ELL: variants seen among roughly 807,000 people sequenced by gnomAD.
ELL encodes elongation factor for RNA polymerase II.
ELL carries 18 observed loss-of-function variants against 64.0 expected under a neutral mutation model. That is an observed-to-expected ratio of 0.28 (90% confidence interval 0.19 to 0.42). The LOEUF is 0.42. Ranked by LOEUF, ELL falls within the 10% of genes least tolerant of loss-of-function variation. ELL has a pLI of 1.00. For missense variants in ELL, 797 were observed against 870.4 expected, an observed-to-expected ratio of 0.92 and a Z score of 1.06; for synonymous variants, 399 against 376.2, an observed-to-expected ratio of 1.06 and a Z score of -0.70.
At chr19:18,468,321 C>T (rs1600455194) in intron 2 of ELL, among the ~76,000 whole-genome samples, 1 of 152,352 alleles carries the variant, frequency 6.6e-6, no homozygotes, top group East Asian at 1.9e-4. Context: ...CAGCCAGAGC[C>T]ATGTGGGTGA....
At chr19:18,497,718 G>A (rs1975688178) in intron 1 of ELL, among the ~76,000 whole-genome samples, 1 of 151,458 alleles carries the variant, frequency 6.6e-6, no homozygotes, top group African/African-American at 2.4e-5. Context: ...CCGGGAGGCT[G>A]GGGTGGGAGG....
chr19:18,480,019 T>C (rs145869365), intron 1 of ELL, among the ~76,000 whole-genome samples: 316 of 152,298 alleles, frequency 2.1e-3, no homozygotes, highest in African/African-American at 6.9e-3. Flanking sequence ...ACCCCACCCC[T>C]GATGCAGGAA....
chr19:18,442,961 G>GCTTCAT lies in ELL; in HGVS notation c.*1785_*1790dup. 1 of 231,754 alleles carries GCTTCAT rather than the reference G, an allele frequency of 4.3e-6. No homozygotes were observed. Among genetic ancestry groups the GCTTCAT allele is most frequent in the Non-Finnish European group, 8.6e-6 (1 of 116,902 alleles). The allele number at this position is 231,754 out of a possible 1,614,324, so 14.4% of individuals were successfully genotyped here. ...CCCCCAAAACACAAAACTTTTCTTA[G>GCTTCAT]CTTCATAATTCCTTAAAAGGAGAAC... On this transcript the variant is annotated 3_prime_UTR_variant, in exon 12 of 12. Coordinates refer to ENST00000262809, the MANE Select transcript of ELL (RefSeq NM_006532.4).
rs542587307 is a variant in ELL at position 18,481,514 on chromosome 19, G to A, written c.136-8632C>T. 3.2e-4 allele frequency among the ~76,000 whole-genome samples: 48 copies of A among 152,116 alleles called. No homozygotes were observed. In the South Asian group the frequency reaches 4.4e-3, roughly 14 times the overall value. On this transcript the variant is annotated intron_variant, in intron 1 of 11. Coordinates refer to ENST00000262809, the MANE Select transcript of ELL (RefSeq NM_006532.4). ...TACATTAAATCTGTCCCTCTCTTAC[G>A]AGGACACTTGTGATGACAAACAGGG...
chr19:18,451,091 A>C, intron 7 of ELL, 116 bp from the exon 8 acceptor site: 1 of 1,359,240 alleles, frequency 7.4e-7, no homozygotes, highest in South Asian at 1.8e-5. Flanking sequence ...CGCTGGCCAC[A>C]TGGGGGCGCC....
At chr19:18,502,517 C>T (rs549706398) in intron 1 of ELL, among the ~76,000 whole-genome samples, 1 of 152,176 alleles carries the variant, frequency 6.6e-6, no homozygotes, top group Non-Finnish European at 1.5e-5. Flanking sequence ...TGCAACCAGC[C>T]GCATCAGGAG....
intron 4 of ELL, among the ~76,000 whole-genome samples, chr19:18,463,864 T>C (rs1330812936): frequency 6.6e-6 from 1 of 151,958 alleles, no homozygotes; most frequent in Non-Finnish European, 1.5e-5. Flanking sequence ...CAGGCACCTG[T>C]AGTCCCAGCT....
intron 6 of ELL, among the ~76,000 whole-genome samples, chr19:18,455,179 T>C (rs1974636825): frequency 6.8e-6 from 1 of 147,306 alleles, no homozygotes; most frequent in Non-Finnish European, 1.5e-5. Context: ...GAAAAAGACA[T>C]CCTTTCCATT....
intron 1 of ELL, among the ~76,000 whole-genome samples, chr19:18,491,078 T>C (rs1456770670): frequency 6.6e-6 from 1 of 152,020 alleles, no homozygotes; most frequent in Non-Finnish European, 1.5e-5. Context: ...TTTAAATCAG[T>C]AGACTGTTTT....
intron 1 of ELL, among the ~76,000 whole-genome samples, chr19:18,473,858 C>T (rs1240963256): frequency 6.6e-6 from 1 of 152,134 alleles, no homozygotes; most frequent in African/African-American, 2.4e-5. Flanking sequence ...CACTGAGATG[C>T]CCTCCCACCC....
chr19:18,520,655 G>A (rs1976245998), intron 1 of ELL, among the ~76,000 whole-genome samples: 1 of 151,852 alleles, frequency 6.6e-6, no homozygotes, highest in African/African-American at 2.4e-5. Flanking sequence ...ACAAGTTCGG[G>A]GCAGGAAGAA....
In ELL at chr19:18,492,308, T is replaced by A. The variant is rs555257102; in HGVS notation, c.136-19426A>T. 4.6e-5 allele frequency among the ~76,000 whole-genome samples: 7 copies of A among 152,314 alleles called. No homozygotes were observed. The South Asian group carries it at 1.2e-3, about 27-fold the overall frequency. On this transcript the variant is annotated intron_variant, in intron 1 of 11. Coordinates refer to ENST00000262809, the MANE Select transcript of ELL (RefSeq NM_006532.4). The stretch of plus-strand genomic sequence containing the variant: ...TGCACGGGACAGCTCCCCACTGCCC[T>A]ATGTGCAAGGACGGCCATTCCTGCA...
At chr19:18,471,038 G>C (rs957005725) in intron 2 of ELL, 1 of 453,368 alleles carries the variant, frequency 2.2e-6, no homozygotes, top group African/African-American at 2.0e-5. Context: ...CTCTCAGGCT[G>C]TGGACAGAAA....
rs953651875 is a variant in ELL, at chr19:18,520,745, AAC to A, written c.135+1174_135+1175del. ...ACCCCCACCATCAACAGTATACACAAACACACACACACGCAGGGAGCAGGGCT... is the reference window on the plus strand; with the variant it reads ...ACCCCCACCATCAACAGTATACACAAACACACACACGCAGGGAGCAGGGCT... On this transcript the variant is annotated intron_variant, in intron 1 of 11. Coordinates refer to ENST00000262809, the MANE Select transcript of ELL (RefSeq NM_006532.4). 7.1e-5 allele frequency among the ~76,000 whole-genome samples: 10 copies of A among 140,090 alleles called. No individual in the cohort carries two copies. The South Asian group carries it at 2.0e-3, about 28-fold the overall frequency. The allele number at this position is 140,090 out of a possible 152,430, so 91.9% of individuals were successfully genotyped here. A position where few individuals can be genotyped will look rare whatever the true frequency, so the allele number is the denominator to read the frequency against.
At chr19:18,499,060 G>A (rs1194961052) in intron 1 of ELL, among the ~76,000 whole-genome samples, 1 of 152,158 alleles carries the variant, frequency 6.6e-6, no homozygotes, top group African/African-American at 2.4e-5. Flanking sequence ...TCAAGCCCAG[G>A]ATGCCAGGAG....
At chr19:18,489,789 C>G (rs2144952526) in intron 1 of ELL, among the ~76,000 whole-genome samples, 1 of 152,262 alleles carries the variant, frequency 6.6e-6, no homozygotes, top group East Asian at 1.9e-4. Flanking sequence ...CACTGGGGCC[C>G]CGGCCTCTGG....
In ELL at chr19:18,449,702, G is replaced by T. The variant is rs1188597125; in HGVS notation, c.1465+775C>A. 6.6e-6 allele frequency among the ~76,000 whole-genome samples: 1 copy of T among 152,212 alleles called. No individual in the cohort carries two copies. The highest frequency in any genetic ancestry group is 1.5e-5 in the Non-Finnish European group (1 of 68,042). On this transcript the variant is annotated intron_variant, in intron 8 of 11. Transcript: ENST00000262809. The surrounding 1 kb of genome is among the most constrained non-coding windows in gnomAD (Gnocchi z 4.4). ...GCCAGCTGGCGCCGAGAGCGAAGTG[G>T]CCATCTGCAACTGGCCGCCATCGCC...
chr19:18,454,563 G>A (rs1974613458), intron 6 of ELL, among the ~76,000 whole-genome samples: 2 of 152,016 alleles, frequency 1.3e-5, no homozygotes, highest in Admixed American at 6.6e-5. Flanking sequence ...ATCCTGGGCT[G>A]GGCATAATGG....
At chr19:18,512,138 G>A (rs918580388) in intron 1 of ELL, among the ~76,000 whole-genome samples, 2 of 148,426 alleles carry the variant, frequency 1.3e-5, no homozygotes, top group Non-Finnish European at 3.0e-5. Context: ...CTAGGCGACA[G>A]AGTAAGACTC....
Sources: allele counts gnomAD v4.1 joint callset (sites outside exome capture counted in the v4.1 genomes callset), GRCh38; gene constraint gnomAD v4.1.1; non-coding constraint Gnocchi (gnomAD v3.1); transcripts MANE v1.5; gene names NCBI Gene and HGNC (gene_info 2026-07-23, HGNC 2026-07-21).